Variants in SLFN12L observed in about 807,000 individuals in gnomAD.
SLFN12L encodes the protein schlafen family member 12 like.
SLFN12L carries 34 observed loss-of-function variants against 34.8 expected under a neutral mutation model. That is an observed-to-expected ratio of 0.98 (90% CI 0.74 to 1.30). The LOEUF is 1.30. Ranked by LOEUF, SLFN12L falls within the 50% of genes most tolerant of loss-of-function variation. The probability of loss-of-function intolerance (pLI) is 0.00; values close to 1 mark genes in which losing one functional copy is unlikely to be tolerated. For missense variants in SLFN12L, 703 were observed against 696.2 expected (o/e 1.01, Z -0.11); for synonymous variants, 259 against 247.5 (o/e 1.05, Z -0.44).
At chr17:35,495,685 C>G (rs1013713291) in intron 2 of SLFN12L, among the ~76,000 whole-genome samples, 14 of 151,558 alleles carry the variant, frequency 9.2e-5, no homozygotes, top group African/African-American at 3.4e-4. Context: ...CACCCCACCC[C>G]CACCAGTCCG....
rs765655353 is a variant in SLFN12L, at chr17:35,479,492, G to A, written c.790C>T (p.Leu264Phe). Reference sequence around the variant, plus strand: ...GCAAATGCAGAAACATATTGAGGGAGAATCTCTGTAATTCGTTGTAACAAC... The same window carrying A: ...GCAAATGCAGAAACATATTGAGGGAAAATCTCTGTAATTCGTTGTAACAAC... Reference protein sequence around the residue: ...EKLLQRITEILPQYVSAFANT... With the variant: ...EKLLQRITEIFPQYVSAFANT... The change falls in exon 3 of 5, where the codon CTC becomes TTC. Residue 264 changes from leucine to phenylalanine, a missense_variant. Physicochemically the swap from Leu to Phe is conservative, Grantham distance 22. Transcript: ENST00000628453. The A allele has an allele frequency of 5.6e-6, 9 of 1,614,046 alleles. No homozygotes were observed. The East Asian group carries it at 1.3e-4, about 24-fold the overall frequency.
rs1477555056 is a variant in SLFN12L, at chr17:35,473,153, G to A, written c.*1770C>T. Among the ~76,000 whole-genome samples the A allele has an allele frequency of 6.6e-6, 1 of 152,052 alleles. No homozygotes were observed. Among genetic ancestry groups the A allele is most frequent in the Non-Finnish European group, 1.5e-5 (1 of 68,028 alleles). On this transcript the variant is annotated 3_prime_UTR_variant, in exon 5 of 5. Transcript: ENST00000628453. ...TCGAATACCTTTATTTCTTTCTCTT[G>A]CCTGATTGCCCTGGCCGGAACTTCC...
chr17:35,495,910 C>CAA (rs1230532266), intron 2 of SLFN12L, among the ~76,000 whole-genome samples: 1 of 83,020 alleles, frequency 1.2e-5, no homozygotes, highest in Admixed American at 1.2e-4. Flanking sequence ...AACACACACA[C>CAA]ACACACACAC....
chr17:35,522,345 A>G lies in SLFN12L; in HGVS notation c.20T>C (p.Val7Ala). 1 of 1,614,208 alleles carries G rather than the reference A, an allele frequency of 6.2e-7. No homozygotes were observed. Among genetic ancestry groups the G allele is most frequent in the Non-Finnish European group, 8.5e-7 (1 of 1,180,040 alleles). The change falls in exon 2 of 5, where the codon GTG becomes GCG. Residue 7 changes from valine to alanine, a missense_variant. Physicochemically the swap from Val to Ala is moderately conservative, Grantham distance 64. Coordinates refer to ENST00000628453, the MANE Select transcript of SLFN12L (RefSeq NM_001363830.2). ...AATTCTGTGTGCCTCACAGTGAAAC[A>G]CATTCCTGATCTTCTCCATGATCTT... MEKIRN[V>A]FHCEAHRILY...
rs772505278 is a variant in SLFN12L, at chr17:35,469,450, T to G, written c.*5473A>C. 6.6e-6 allele frequency among the ~76,000 whole-genome samples: 1 copy of G among 151,052 alleles called. No individual in the cohort carries two copies. The highest frequency in any genetic ancestry group is 1.5e-5 in the Non-Finnish European group (1 of 67,868). On this transcript the variant is annotated 3_prime_UTR_variant, in exon 5 of 5. Coordinates refer to ENST00000628453, the MANE Select transcript of SLFN12L (RefSeq NM_001363830.2). ...ACTTTCTTGACTAATGACATGCAAATGAAGAACTTAGTTATGGACCAGCCT... is the reference window on the plus strand; with the variant it reads ...ACTTTCTTGACTAATGACATGCAAAGGAAGAACTTAGTTATGGACCAGCCT...
chr17:35,525,503 G>A (rs907718983), intron 1 of SLFN12L, among the ~76,000 whole-genome samples: 4 of 152,210 alleles, frequency 2.6e-5, no homozygotes, highest in Non-Finnish European at 5.9e-5. Context: ...CAGACTAACA[G>A]CAGATCTCTC....
rs767711621 is a variant in SLFN12L, at chr17:35,479,620, G to A, written c.662C>T (p.Ala221Val). Residue 221 changes from alanine to valine, a missense_variant, in exon 3 of 5, where the codon GCC (alanine) becomes GTC (valine). Ala to Val is a moderately conservative substitution (Grantham distance 64, BLOSUM62 0). Transcript: ENST00000628453. ...TCTGTTAAAAAAATCAGCAGCCAAGGCTTCCATGTTACTTTCTTCTTGTAC... is the reference window on the plus strand; with the variant it reads ...TCTGTTAAAAAAATCAGCAGCCAAGACTTCCATGTTACTTTCTTCTTGTAC... ...VDVQEESNME[A>V]LAADFFNRTE... is the part of the protein sequence containing the mutation. The A allele has an allele frequency of 1.3e-5, 21 of 1,611,530 alleles. No homozygotes were observed. The highest frequency in any genetic ancestry group is 1.1e-4 in the South Asian group (10 of 90,796).
chr17:35,506,086 C>A (rs913252845), intron 2 of SLFN12L, among the ~76,000 whole-genome samples: 3 of 152,236 alleles, frequency 2.0e-5, no homozygotes, highest in South Asian at 2.1e-4. Flanking sequence ...CCCATCTGAG[C>A]CTCCCATGAC....
rs1183368095 is a variant in SLFN12L at position 35,479,319 on chromosome 17, C to T, written c.963G>A (p.Glu321=). The T allele has an allele frequency of 6.3e-7, 1 of 1,585,812 alleles. No individual in the cohort carries two copies. Among genetic ancestry groups the T allele is most frequent in the Non-Finnish European group, 8.6e-7 (1 of 1,164,434 alleles). ...TGCATAAGTAATTTATCGTCCCCTT[C>T]TCCACACAGAAGTGATGCACAGGCA... ...GKLPVHHFCV[E]KGTINYLCKF... Residue 321 remains glutamate (E), a synonymous_variant, in exon 3 of 5, where the codon GAG becomes GAA. Transcript: ENST00000628453.
intron 2 of SLFN12L, among the ~76,000 whole-genome samples, chr17:35,516,703 G>C (rs1915840255): frequency 6.6e-6 from 1 of 152,180 alleles, no homozygotes; most frequent in African/African-American, 2.4e-5. Flanking sequence ...ATGATGAGCA[G>C]ATTAATTTTA....
rs1297467277 is a variant in SLFN12L at position 35,479,752 on chromosome 17, T to G, written c.530A>C (p.Lys177Thr). 3 of 1,613,998 alleles carry G rather than the reference T, an allele frequency of 1.9e-6. No homozygotes were observed. The highest frequency in any genetic ancestry group is 2.5e-6 in the Non-Finnish European group (3 of 1,180,010). Residue 177 changes from lysine (K) to threonine (T), a missense_variant, in exon 3 of 5, where the codon AAA becomes ACA. Lys to Thr is a moderately conservative substitution (Grantham distance 78). Transcript: ENST00000628453. ...CAGTGCAGCAGAAGCATTCATGACT[T>G]TTGCAGACGTTACATCTCTCTTGTA... The part of the protein sequence containing the change: ...SLYKRDVTSA[K>T]VMNASAALEF...
chr17:35,511,582 CAT>C (rs906844311), intron 2 of SLFN12L, among the ~76,000 whole-genome samples: 13 of 53,936 alleles, frequency 2.4e-4, no homozygotes, highest in Middle Eastern at 8.3e-3. Context: ...CACACACACA[CAT>C]ACACACACAC....
At chr17:35,506,857 A>G (rs1033028163) in intron 2 of SLFN12L, among the ~76,000 whole-genome samples, 1 of 152,242 alleles carries the variant, frequency 6.6e-6, no homozygotes, top group Non-Finnish European at 1.5e-5. Context: ...CTCAATCATT[A>G]GACAATACTG....
At chr17:35,533,604 T>C (rs574940835) in intron 1 of SLFN12L, among the ~76,000 whole-genome samples, 2 of 152,188 alleles carry the variant, frequency 1.3e-5, no homozygotes, top group African/African-American at 4.8e-5. Flanking sequence ...AAGAGTTAAT[T>C]TGGTGAAGAA....
chr17:35,497,488 T>C (rs1368970696), intron 2 of SLFN12L, among the ~76,000 whole-genome samples: 1 of 152,184 alleles, frequency 6.6e-6, no homozygotes, highest in Non-Finnish European at 1.5e-5. Flanking sequence ...AGTAGCACTG[T>C]CTGTAGTCCT....
At chr17:35,495,498 T>A (rs1040119453) in intron 2 of SLFN12L, among the ~76,000 whole-genome samples, 1 of 152,212 alleles carries the variant, frequency 6.6e-6, no homozygotes, top group African/African-American at 2.4e-5. Context: ...GCGGCAGCCG[T>A]GGTCTCCGGC....
intron 2 of SLFN12L, among the ~76,000 whole-genome samples, chr17:35,487,205 C>T (rs996744040): frequency 6.6e-6 from 1 of 152,270 alleles, no homozygotes; most frequent in Non-Finnish European, 1.5e-5. Context: ...CAGCTCTGCA[C>T]CAACACCTCA....
chr17:35,498,990 G>C (rs553164725), intron 2 of SLFN12L: 34 of 702,200 alleles, frequency 4.8e-5, no homozygotes, highest in South Asian at 4.0e-4. Flanking sequence ...CCTCACTACC[G>C]TCTGCTTCTA....
Position 35,522,614 on chromosome 17 carries a change from C to G in SLFN12L, c.-250G>C. 6.2e-7 allele frequency: 1 copy of G among 1,611,304 alleles called. No homozygotes were observed. Among genetic ancestry groups the G allele is most frequent in the South Asian group, 1.1e-5 (1 of 90,844 alleles). On this transcript the variant is annotated 5_prime_UTR_variant, in exon 2 of 5. Transcript: ENST00000628453. ...GACGCAGGGTAATCCATCGGAGACA[C>G]TGCAGCCTCCAAAGCCTCTGCGCTG...
Sources: gnomAD v4.1 joint callset for allele counts (sites outside exome capture counted in the v4.1 genomes callset) on GRCh38, gnomAD v4.1.1 for gene constraint, MANE v1.5 for transcripts, NCBI Gene and HGNC (gene_info 2026-07-23, HGNC 2026-07-21) for gene names.